XXYLT1: variants seen among roughly 807,000 people sequenced by gnomAD.
The protein encoded by XXYLT1 is xyloside xylosyltransferase 1, also known as UDP-xylose:alpha-xyloside alpha-1,3-xylosyltransferase.
In XXYLT1, 20 loss-of-function variants were observed where a neutral mutation model predicts 28.9. That is an observed-to-expected ratio of 0.69 (90% CI 0.49 to 1.00). The LOEUF (loss-of-function observed/expected upper bound fraction) is 1.00, where lower values mean the gene tolerates loss of function less well. Ranked by LOEUF, XXYLT1 falls within the 50% of genes least tolerant of loss-of-function variation. The pLI is 0.00. For synonymous variants in XXYLT1, 257 were observed against 253.8 expected, an observed-to-expected ratio of 1.01 and a Z score of -0.12; for missense variants, 542 against 560.1, an observed-to-expected ratio of 0.97 and a Z score of 0.33.
rs111994670 is a variant in XXYLT1 at position 195,204,689 on chromosome 3, C to T, written c.652+22020G>A. On this transcript the variant is annotated intron_variant, in intron 2 of 3. Transcript: ENST00000310380. ...AACTCAAGTATCTCACTACCCACAACCCGCAATGTGCTGCAGAAGCCAAGA... is the reference window on the plus strand; with the variant it reads ...AACTCAAGTATCTCACTACCCACAATCCGCAATGTGCTGCAGAAGCCAAGA... Among the ~76,000 whole-genome samples, 1,436 of 152,326 alleles carry T rather than the reference C, an allele frequency of 9.4e-3. 23 individuals carry two copies. The highest frequency in any genetic ancestry group is 0.032 in the African/African-American group (1,337 of 41,568).
At chr3:195,145,296 G>A (rs555239371) in intron 3 of XXYLT1, among the ~76,000 whole-genome samples, 3 of 152,214 alleles carry the variant, frequency 2.0e-5, no homozygotes, top group Admixed American at 6.5e-5. Context: ...CTCACTCCAC[G>A]GTTACCAGCA....
intron 3 of XXYLT1, among the ~76,000 whole-genome samples, chr3:195,120,830 G>A (rs1465134519): frequency 2.0e-5 from 3 of 152,182 alleles, no homozygotes; most frequent in African/African-American, 4.8e-5. Context: ...CGGAGAGGGT[G>A]TGCGGCCTGG....
intron 2 of XXYLT1, chr3:195,207,278 A>T: frequency 8.6e-6 from 3 of 350,294 alleles, no homozygotes; most frequent in Middle Eastern, 4.4e-4. Flanking sequence ...GATGGAGGCC[A>T]CCAGGCCCGG....
At chr3:195,074,077 T>C (rs944919708) in intron 3 of XXYLT1, among the ~76,000 whole-genome samples, 1 of 151,796 alleles carries the variant, frequency 6.6e-6, no homozygotes, top group Non-Finnish European at 1.5e-5. Flanking sequence ...TGCCTCCGAC[T>C]CTTCGTGATT....
At chr3:195,193,562 G>A (rs1168826849) in intron 2 of XXYLT1, among the ~76,000 whole-genome samples, 1 of 151,992 alleles carries the variant, frequency 6.6e-6, no homozygotes, top group Non-Finnish European at 1.5e-5. Flanking sequence ...ATATGGAAAT[G>A]CAAAAACTTA....
intron 1 of XXYLT1, among the ~76,000 whole-genome samples, chr3:195,250,963 C>T (rs1211913926): frequency 6.6e-6 from 1 of 152,252 alleles, no homozygotes; most frequent in Non-Finnish European, 1.5e-5. Flanking sequence ...CATCTCAAAG[C>T]AGCACTCGTT....
intron 3 of XXYLT1, among the ~76,000 whole-genome samples, chr3:195,096,382 T>C (rs1188496729): frequency 1.3e-5 from 2 of 152,140 alleles, no homozygotes; most frequent in African/African-American, 4.8e-5. Context: ...GACACCATGC[T>C]CTGTTCCCAG....
chr3:195,230,763 T>C (rs1313241620), intron 1 of XXYLT1, among the ~76,000 whole-genome samples: 1 of 152,234 alleles, frequency 6.6e-6, no homozygotes, highest in African/African-American at 2.4e-5. Context: ...GCCAGAACCA[T>C]GCTGTTTTGG....
chr3:195,257,245 G>A lies in XXYLT1; in HGVS notation c.504+13310C>T, dbSNP rs1725513320. Among the ~76,000 whole-genome samples, 1 of 152,152 alleles carries A rather than the reference G, an allele frequency of 6.6e-6. No homozygotes were observed. The highest frequency in any genetic ancestry group is 2.1e-4 in the South Asian group (1 of 4,828). ...TCACACCCCACTGCCCACCGTGTTG[G>A]CATCCAGCTCCTCCAGTGTGCGAGC... On this transcript the variant is annotated intron_variant, in intron 1 of 3. Transcript: ENST00000310380. The surrounding 1 kb of genome is among the most constrained non-coding windows in gnomAD (Gnocchi z 4.3).
At chr3:195,110,359 G>GTGTGTGAGGTGTGTGTA (rs1341313341) in intron 3 of XXYLT1, among the ~76,000 whole-genome samples, 2 of 79,724 alleles carry the variant, frequency 2.5e-5, no homozygotes, top group African/African-American at 5.4e-5. Flanking sequence ...TGTGGTGTAT[G>GTGTGTGAGGTGTGTGTA]TGCGTGCGTG....
intron 3 of XXYLT1, among the ~76,000 whole-genome samples, chr3:195,090,687 T>A (rs1716080927): frequency 6.9e-6 from 1 of 145,070 alleles, no homozygotes; most frequent in African/African-American, 2.6e-5. Flanking sequence ...AGAGCAGAAC[T>A]GAAGGAAATA....
intron 3 of XXYLT1, among the ~76,000 whole-genome samples, chr3:195,137,545 G>A (rs903309): frequency 0.12 from 18,922 of 152,234 alleles, 1,356 homozygotes; most frequent in East Asian, 0.27. Context: ...CAAGGCAGAA[G>A]GTGATTCCTT....
chr3:195,170,573 C>T (rs1001950889), intron 2 of XXYLT1, among the ~76,000 whole-genome samples: 7 of 152,238 alleles, frequency 4.6e-5, no homozygotes, highest in South Asian at 2.1e-4. Context: ...CACCTGGCTT[C>T]GTTTCCTGTC....
Position 195,166,065 on chromosome 3 carries a change from C to G in XXYLT1, c.653-9484G>C, listed in dbSNP as rs537650302. ...AAGGTGGGGAAGTCCAGGACTGGCC[C>G]CTGTGCTGAGAATCCAGGCTCCAAT... On this transcript the variant is annotated intron_variant, in intron 2 of 3. Coordinates refer to ENST00000310380, the MANE Select transcript of XXYLT1 (RefSeq NM_152531.5). Among the ~76,000 whole-genome samples, 35 of 152,030 alleles carry G rather than the reference C, an allele frequency of 2.3e-4. No homozygotes were observed. In the South Asian group the frequency reaches 7.1e-3, roughly 31 times the overall value.
chr3:195,250,043 G>C (rs1423176843), intron 1 of XXYLT1, among the ~76,000 whole-genome samples: 1 of 152,120 alleles, frequency 6.6e-6, no homozygotes, highest in Non-Finnish European at 1.5e-5. Context: ...GTCAAAGCTG[G>C]AATCCTCACT....
chr3:195,268,550 A>C (rs1725915247), intron 1 of XXYLT1, among the ~76,000 whole-genome samples: 1 of 151,920 alleles, frequency 6.6e-6, no homozygotes, highest in Non-Finnish European at 1.5e-5. Flanking sequence ...GTGAGCTGAG[A>C]TCGTGCCACT....
At chr3:195,148,157 CAG>C (rs1351720402) in intron 3 of XXYLT1, 1 of 152,224 alleles carries the variant, frequency 6.6e-6, no homozygotes, top group East Asian at 1.9e-4. Context: ...GTTCTCTGTA[CAG>C]AGTTTTCCTT....
chr3:195,226,988 G>C (rs1577170286), intron 1 of XXYLT1, 132 bp from the exon 2 acceptor site: 2 of 1,108,304 alleles, frequency 1.8e-6, no homozygotes, highest in East Asian at 5.2e-5. Context: ...CAGGGGATGG[G>C]GCTAGGGGTA....
intron 1 of XXYLT1, among the ~76,000 whole-genome samples, chr3:195,241,772 C>T (rs1724785816): frequency 6.6e-6 from 1 of 151,972 alleles, no homozygotes; most frequent in Non-Finnish European, 1.5e-5. Context: ...AAAAAAGTAG[C>T]TACCACCCTC....
Sources: allele counts gnomAD v4.1 joint callset (sites outside exome capture counted in the v4.1 genomes callset), GRCh38; gene constraint gnomAD v4.1.1; non-coding constraint Gnocchi (gnomAD v3.1); transcripts MANE v1.5; gene names NCBI Gene and HGNC (gene_info 2026-07-23, HGNC 2026-07-21).